The following GLE1 variants were observed in gnomAD, a reference collection of about 807,000 sequenced individuals.
The protein encoded by GLE1 is GLE1 RNA export mediator.
A neutral mutation model predicts 97.3 loss-of-function variants in GLE1; 78 were observed. The observed-to-expected ratio is 0.80, with a 90% CI of 0.67 to 0.97. GLE1 has a LOEUF of 0.97. Ranked by LOEUF, GLE1 falls within the 50% of genes least tolerant of loss-of-function variation. The pLI, the probability that GLE1 is intolerant of heterozygous loss-of-function variation, is 0.00. For synonymous variants in GLE1, 302 were observed against 313.4 expected (o/e 0.96, Z 0.39); for missense variants, 753 against 857.5 (o/e 0.88, Z 1.52).
chr9:128,533,562 A>C lies in GLE1; in HGVS notation c.1362A>C (p.Gly454=). The change falls in exon 10 of 16, where the codon GGA becomes GGC. Residue 454 remains glycine, a synonymous_variant. Coordinates refer to ENST00000309971, the MANE Select transcript of GLE1 (RefSeq NM_001003722.2). Reference sequence around the variant, plus strand: ...ACAAGATCCACAGCCTGCTCTCTGGAAAACCTGTTCAATCTGGTGGGCGCT... The same window carrying C: ...ACAAGATCCACAGCCTGCTCTCTGGCAAACCTGTTCAATCTGGTGGGCGCT... ...IFDKIHSLLS[G]KPVQSGGRSV... is the part of the protein sequence containing the mutation. 1 of 1,613,610 alleles carries C rather than the reference A, an allele frequency of 6.2e-7. No individual in the cohort carries two copies. The highest frequency in any genetic ancestry group is 1.7e-4 in the Middle Eastern group (1 of 6,060).
intron 6 of GLE1, among the ~76,000 whole-genome samples, 196 bp downstream of exon 6, chr9:128,524,042 C>A (rs372721324): frequency 2.3e-5 from 3 of 128,210 alleles, no homozygotes; most frequent in Admixed American, 7.5e-5. Flanking sequence ...TTATTTATTT[C>A]TTTATTTTTA....
intron 2 of GLE1, among the ~76,000 whole-genome samples, chr9:128,514,469 C>T (rs1486648896): frequency 3.9e-5 from 5 of 127,928 alleles, no homozygotes; most frequent in African/African-American, 1.5e-4. Context: ...TTTTTTGAGA[C>T]GGAGTCTCTG....
chr9:128,505,049 C>G, intron 1 of GLE1, 145 bp downstream of exon 1: 1 of 674,008 alleles, frequency 1.5e-6, no homozygotes, highest in South Asian at 1.6e-5. Context: ...GTACATCCCT[C>G]TGTCCTGGGG....
At chr9:128,519,667 T>A (rs1306761651) in intron 3 of GLE1, among the ~76,000 whole-genome samples, 1 of 152,016 alleles carries the variant, frequency 6.6e-6, no homozygotes, top group Admixed American at 6.5e-5. Flanking sequence ...CCTGTGGTCC[T>A]GTGATCTCGC....
At position 128,524,540 on chromosome 9, in the gene GLE1, C is replaced by CTTTTTT. The variant is rs71381767; in HGVS notation, c.898-628_898-623dup. 6.8e-4 allele frequency among the ~76,000 whole-genome samples: 27 copies of CTTTTTT among 39,642 alleles called. 3 individuals are homozygous for CTTTTTT. The highest frequency in any genetic ancestry group is 2.5e-3 in the East Asian group (3 of 1,216). The allele number at this position is 39,642 out of a possible 152,430, so 26.0% of individuals were successfully genotyped here. On this transcript the variant is annotated intron_variant, in intron 6 of 15. Transcript: ENST00000309971. ...GTACCTGCCCTGTTTCTTTGCTTTG[C>CTTTTTT]TTTTTTTTTTTTTTTTTTTTTTTTT...
intron 1 of GLE1, among the ~76,000 whole-genome samples, chr9:128,507,691 C>T (rs1037980315): frequency 1.3e-5 from 2 of 151,090 alleles, no homozygotes; most frequent in Admixed American, 1.3e-4. Flanking sequence ...AGTTTGAGAC[C>T]AGCCTGGCCA....
chr9:128,535,872 A>T (rs895856300), intron 11 of GLE1, among the ~76,000 whole-genome samples: 19 of 151,964 alleles, frequency 1.3e-4, no homozygotes, highest in Admixed American at 1.2e-3. Context: ...GCTACTCAGG[A>T]GGCTGAGGCG....
intron 15 of GLE1, chr9:128,540,569 GTAAAATA>G: frequency 1.8e-6 from 1 of 549,224 alleles, no homozygotes; most frequent in Non-Finnish European, 3.3e-6. Context: ...GCTGAGATGA[GTAAAATA>G]TATTTAGTGT....
chr9:128,506,813 C>G (rs1846652644), intron 1 of GLE1, among the ~76,000 whole-genome samples: 1 of 152,166 alleles, frequency 6.6e-6, no homozygotes, highest in Non-Finnish European at 1.5e-5. Flanking sequence ...CACTTCCAAC[C>G]CAGCACTTCA....
chr9:128,523,136 C>T, intron 4 of GLE1, 144 bp from the exon 5 acceptor site: 1 of 754,308 alleles, frequency 1.3e-6, no homozygotes, highest in Non-Finnish European at 2.4e-6. Flanking sequence ...CTATGCTCTG[C>T]AGCCTGGGCA....
intron 3 of GLE1, among the ~76,000 whole-genome samples, chr9:128,519,004 T>A (rs1847063932): frequency 6.6e-6 from 1 of 152,232 alleles, no homozygotes; most frequent in South Asian, 2.1e-4. Flanking sequence ...ACTTTTATAA[T>A]TTCTTATGCC....
intron 2 of GLE1, among the ~76,000 whole-genome samples, chr9:128,512,364 T>G (rs1418730030): frequency 6.6e-6 from 1 of 152,124 alleles, no homozygotes; most frequent in East Asian, 1.9e-4. Flanking sequence ...CTGAATAAGC[T>G]CTGTGGATTG....
intron 1 of GLE1, 99 bp from the exon 2 acceptor site, chr9:128,508,773 GTTTA>G (rs1342657791): frequency 5.0e-5 from 38 of 763,834 alleles, no homozygotes; most frequent in African/African-American, 1.4e-4. Flanking sequence ...GGTCTTTGAT[GTTTA>G]TTTATTTAGG....
At chr9:128,509,131 G>T in intron 2 of GLE1, 34 bp downstream of exon 2, 1 of 1,260,786 alleles carries the variant, frequency 7.9e-7, no homozygotes, top group South Asian at 1.2e-5. Flanking sequence ...CAAAAGACAT[G>T]GTGGCTGCAA....
At chr9:128,510,818 T>A (rs2132412811) in intron 2 of GLE1, among the ~76,000 whole-genome samples, 1 of 149,836 alleles carries the variant, frequency 6.7e-6, no homozygotes, top group Admixed American at 6.7e-5. Flanking sequence ...CGTGAGCCAC[T>A]GTGCCTGGCC....
At chr9:128,510,305 T>C (rs1424853554) in intron 2 of GLE1, among the ~76,000 whole-genome samples, 1 of 151,932 alleles carries the variant, frequency 6.6e-6, no homozygotes, top group Non-Finnish European at 1.5e-5. Flanking sequence ...TTCAGCTCAC[T>C]GCAACTTCCG....
At chr9:128,540,142 A>G (rs776687002) in intron 14 of GLE1, 133 bp from the exon 15 acceptor site, 28 of 730,432 alleles carry the variant, frequency 3.8e-5, no homozygotes, top group Non-Finnish European at 6.7e-5. Context: ...CTTGAGCCCA[A>G]GAGTTCAAGG....
At chr9:128,536,034 T>C (rs957726634) in intron 11 of GLE1, among the ~76,000 whole-genome samples, 1 of 152,106 alleles carries the variant, frequency 6.6e-6, no homozygotes, top group African/African-American at 2.4e-5. Flanking sequence ...CAGTGAATTT[T>C]TTCTTATTTC....
intron 8 of GLE1, 48 bp downstream of exon 8, chr9:128,527,339 A>G (rs1211953451): frequency 1.3e-5 from 17 of 1,307,172 alleles, no homozygotes. Context: ...GATGGTTCTC[A>G]GAGAATGATC....
Sources: gnomAD v4.1 joint callset for allele counts (sites outside exome capture counted in the v4.1 genomes callset) on GRCh38, gnomAD v4.1.1 for gene constraint, MANE v1.5 for transcripts, NCBI Gene and HGNC (gene_info 2026-07-23, HGNC 2026-07-21) for gene names.